Variants in DLX3 observed in about 807,000 individuals in gnomAD.
DLX3 encodes the protein homeobox protein DLX-3.
DLX3 carries 9 observed loss-of-function variants against 28.0 expected under a neutral mutation model. That is an observed-to-expected ratio of 0.32 (90% CI 0.19 to 0.56). The LOEUF is 0.56. Ranked by LOEUF, DLX3 falls within the 20% of genes least tolerant of loss-of-function variation. The pLI, the probability that DLX3 is intolerant of heterozygous loss-of-function variation, is 0.91. For missense variants in DLX3, 313 were observed against 378.2 expected, an observed-to-expected ratio of 0.83 and a Z score of 1.43; for synonymous variants, 154 against 167.9, an observed-to-expected ratio of 0.92 and a Z score of 0.64.
Position 49,994,765 on chromosome 17 carries a change from G to T in DLX3, c.234C>A (p.Gly78=), listed in dbSNP as rs1412798507. The change falls in exon 1 of 3, where the codon GGC becomes GGA. Residue 78 remains glycine, a synonymous_variant. Transcript: ENST00000434704. ...QFNLNGLAGT[G]AYSPKSEYTY... ...TATATTCCGACTTGGGCGAGTAAGC[G>T]CCCGTGCCTGCAAGCCCATTGAGAT... is the stretch of plus-strand genomic sequence containing the variant. 3 of 1,614,102 alleles carry T rather than the reference G, an allele frequency of 1.9e-6. No individual in the cohort carries two copies. Among genetic ancestry groups the T allele is most frequent in the South Asian group, 1.1e-5 (1 of 91,096 alleles).
Position 49,994,812 on chromosome 17 carries a change from A to G in DLX3, c.187T>C (p.Tyr63His), listed in dbSNP as rs1319264267. Residue 63 changes from tyrosine to histidine, a missense_variant, in exon 1 of 3, where the codon TAC becomes CAC. Physicochemically the swap from Tyr to His is moderately conservative, Grantham distance 83. Transcript: ENST00000434704. Reference sequence around the variant, plus strand: ...AGATTGAATTGGTGGTGGTAGGTGTAGGGGTTCACCGTCTGGCCATAGGGC... The same window carrying G: ...AGATTGAATTGGTGGTGGTAGGTGTGGGGGTTCACCGTCTGGCCATAGGGC... ...GQPYGQTVNP[Y>H]TYHHQFNLNG... is the part of the protein sequence containing the mutation. The G allele has an allele frequency of 6.2e-7, 1 of 1,614,106 alleles. No homozygotes were observed. The highest frequency in any genetic ancestry group is 8.5e-7 in the Non-Finnish European group (1 of 1,180,040).
rs1430373254 is a variant in DLX3 at position 49,991,124 on chromosome 17, G to T, written c.*393C>A. ...CACGGTGCCAGGTGCCCCAGCACAG[G>T]CAGGACCCGCAAACCCTCCACACTC... On this transcript the variant is annotated 3_prime_UTR_variant, in exon 3 of 3. Transcript: ENST00000434704. 1 of 190,516 alleles carries T rather than the reference G, an allele frequency of 5.2e-6. No individual in the cohort carries two copies. The highest frequency in any genetic ancestry group is 5.3e-5 in the Admixed American group (1 of 19,034). 11.8% of individuals were successfully genotyped at this position (190,516 alleles called of 1,614,324 possible).
In DLX3 at chr17:49,991,142, C is replaced by T; in HGVS notation, c.*375G>A. ...AGCACAGGCAGGACCCGCAAACCCT[C>T]CACACTCTCCCCCATCCCAAGGTCT... On this transcript the variant is annotated 3_prime_UTR_variant, in exon 3 of 3. Coordinates refer to ENST00000434704, the MANE Select transcript of DLX3 (RefSeq NM_005220.3). 1 of 214,112 alleles carries T rather than the reference C, an allele frequency of 4.7e-6. No individual in the cohort carries two copies. The highest frequency in any genetic ancestry group is 9.4e-6 in the Non-Finnish European group (1 of 106,630). 13.3% of individuals were successfully genotyped at this position (214,112 alleles called of 1,614,324 possible).
Position 49,994,980 on chromosome 17 carries a change from G to C in DLX3, c.19C>G (p.Arg7Gly), listed in dbSNP as rs759271131. The change falls in exon 1 of 3, where the codon CGC becomes GGC. Residue 7 changes from arginine (R) to glycine (G), a missense_variant. This residue lies in a region of DLX3 where 183 missense variants were observed against 197.7 expected (regional missense o/e 0.93). Transcript: ENST00000434704. MSGSFD[R>G]KLSSILTDIS... ...TCGGTGAGGATGCTGCTGAGCTTGC[G>C]ATCGAAGGAGCCACTCATCCTGGCG... 1.2e-6 allele frequency: 2 copies of C among 1,612,136 alleles called. No homozygotes were observed. Among genetic ancestry groups the C allele is most frequent in the South Asian group, 1.1e-5 (1 of 91,018 alleles).
chr17:49,993,072 A>G (rs1906148092), intron 2 of DLX3, among the ~76,000 whole-genome samples: 2 of 152,134 alleles, frequency 1.3e-5, no homozygotes, highest in African/African-American at 4.8e-5. Context: ...TCGCCTATAC[A>G]TGCACACAGA....
rs975193373 is a variant in DLX3, at chr17:49,994,569, C to G, written c.325+105G>C. 1.9e-5 allele frequency: 26 copies of G among 1,349,320 alleles called. No individual in the cohort carries two copies. The African/African-American group carries it at 3.0e-4, about 16-fold the overall frequency. 83.6% of individuals were successfully genotyped at this position (1,349,320 alleles called of 1,614,324 possible). The stretch of plus-strand genomic sequence containing the variant: ...CCAACTTCTCTAACTCCAGACAGTA[C>G]TTTTCTTAGAAGTTTTCCTAGATTT... On this transcript the variant is annotated intron_variant, in intron 1 of 2. Transcript: ENST00000434704.
At chr17:49,993,376 G>A in intron 2 of DLX3, 24 bp downstream of exon 2, 1 of 1,580,082 alleles carries the variant, frequency 6.3e-7, no homozygotes, top group Non-Finnish European at 8.5e-7. Context: ...GCGCCCCCGC[G>A]GCCCTGGACA....
Position 49,990,031 on chromosome 17 carries a change from A to G in DLX3, c.*1486T>C, listed in dbSNP as rs542196522. On this transcript the variant is annotated 3_prime_UTR_variant, in exon 3 of 3. Transcript: ENST00000434704. The stretch of plus-strand genomic sequence containing the variant: ...TATTTTCGTCTTTTTTATTAACATT[A>G]TATATAAAGATGAGTCCAGTAAGAA... 6.6e-6 allele frequency: 1 copy of G among 152,640 alleles called. No homozygotes were observed. The highest frequency in any genetic ancestry group is 2.1e-4 in the South Asian group (1 of 4,818). 9.5% of individuals were successfully genotyped at this position (152,640 alleles called of 1,614,324 possible). A position where few individuals can be genotyped will look rare whatever the true frequency, so the allele number is the denominator to read the frequency against.
In DLX3 at chr17:49,994,348, G is replaced by T. The variant is rs1906205197; in HGVS notation, c.325+326C>A. 2.6e-5 allele frequency among the ~76,000 whole-genome samples: 4 copies of T among 151,846 alleles called. No individual in the cohort carries two copies. In the South Asian group the frequency reaches 8.3e-4, roughly 32 times the overall value. ...CCTACCCCCAAGCCCTCTGCGACTT[G>T]ATCGAGGATCGCCTGCTGAAATGCC... On this transcript the variant is annotated intron_variant, in intron 1 of 2. Coordinates refer to ENST00000434704, the MANE Select transcript of DLX3 (RefSeq NM_005220.3).
chr17:49,993,573 G>A lies in DLX3; in HGVS notation c.343C>T (p.Pro115Ser). 1 of 1,613,552 alleles carries A rather than the reference G, an allele frequency of 6.2e-7. No individual in the cohort carries two copies. Among genetic ancestry groups the A allele is most frequent in the Non-Finnish European group, 8.5e-7 (1 of 1,179,688 alleles). ...TTCACCATGCGCACCTCTGCTTCCG[G>A]CTCCTCCTTCACCGACACTGCGGGG... ...AQDPVSVKEEPEAEVRMVNGK... is the reference protein window; with the variant it reads ...AQDPVSVKEESEAEVRMVNGK... The change falls in exon 2 of 3, where the codon CCG (proline) becomes TCG (serine). Residue 115 changes from proline to serine, a missense_variant. Around this residue, in one of 3 missense-constraint regions of DLX3, gnomAD observed 183 missense variants for 197.7 expected, o/e 0.93. Transcript: ENST00000434704.
intron 1 of DLX3, among the ~76,000 whole-genome samples, chr17:49,994,470 T>C (rs1367325644): frequency 6.6e-6 from 1 of 152,242 alleles, no homozygotes; most frequent in African/African-American, 2.4e-5. Flanking sequence ...CGCGGCGCAC[T>C]GCGCACATCG....
chr17:49,991,389 A>G lies in DLX3; in HGVS notation c.*128T>C. On this transcript the variant is annotated 3_prime_UTR_variant, in exon 3 of 3. Coordinates refer to ENST00000434704, the MANE Select transcript of DLX3 (RefSeq NM_005220.3). Reference sequence around the variant, plus strand: ...TGGAAGCGCTTGGGTCCCTGGAGGAAGGGGCAAGGGAGGGGGAAAGGGAGT... The same window carrying G: ...TGGAAGCGCTTGGGTCCCTGGAGGAGGGGGCAAGGGAGGGGGAAAGGGAGT... The G allele has an allele frequency of 1.2e-6, 1 of 845,914 alleles. No individual in the cohort carries two copies. 52.4% of individuals were successfully genotyped at this position (845,914 alleles called of 1,614,324 possible).
rs761434274 is a variant in DLX3 at position 49,994,722 on chromosome 17, G to T, written c.277C>A (p.Arg93=). 1 of 1,614,142 alleles carries T rather than the reference G, an allele frequency of 6.2e-7. No homozygotes were observed. Among genetic ancestry groups the T allele is most frequent in the East Asian group, 2.2e-5 (1 of 44,872 alleles). The change falls in exon 1 of 3, where the codon CGG becomes AGG. Residue 93 remains arginine, a synonymous_variant. Coordinates refer to ENST00000434704, the MANE Select transcript of DLX3 (RefSeq NM_005220.3). ...KSEYTYGASY[R]QYGAYREQPL... is the part of the protein sequence containing the mutation. ...TGCTCCCGATACGCCCCGTATTGCC[G>T]GTAGGAGGCTCCGTAGGTATATTCC...
chr17:49,994,709 G>A lies in DLX3; in HGVS notation c.290C>T (p.Ala97Val), dbSNP rs771296590. 3 of 1,614,056 alleles carry A rather than the reference G, an allele frequency of 1.9e-6. No homozygotes were observed. Among genetic ancestry groups the A allele is most frequent in the Admixed American group, 3.3e-5 (2 of 60,030 alleles). ...GGCTGGCAGCGGCTGCTCCCGATAC[G>A]CCCCGTATTGCCGGTAGGAGGCTCC... ...TYGASYRQYGAYREQPLPAQD... is the reference protein window; with the variant it reads ...TYGASYRQYGVYREQPLPAQD... The change falls in exon 1 of 3, where the codon GCG becomes GTG. Residue 97 changes from alanine (A) to valine (V), a missense_variant. Physicochemically the swap from Ala to Val is moderately conservative, Grantham distance 64. Transcript: ENST00000434704.
chr17:49,994,721 C>T lies in DLX3; in HGVS notation c.278G>A (p.Arg93Gln), dbSNP rs146270612. 13 of 1,614,126 alleles carry T rather than the reference C, an allele frequency of 8.1e-6. No individual in the cohort carries two copies. Among genetic ancestry groups the T allele is most frequent in the Admixed American group, 6.7e-5 (4 of 60,030 alleles). Residue 93 changes from arginine (R) to glutamine (Q), a missense_variant, in exon 1 of 3, where the codon CGG becomes CAG. Transcript: ENST00000434704. The stretch of plus-strand genomic sequence containing the variant: ...CTGCTCCCGATACGCCCCGTATTGC[C>T]GGTAGGAGGCTCCGTAGGTATATTC... The part of the protein sequence containing the change: ...KSEYTYGASY[R>Q]QYGAYREQPL...
chr17:49,993,543 T>G lies in DLX3; in HGVS notation c.373A>C (p.Lys125Gln). 1.9e-6 allele frequency: 3 copies of G among 1,613,616 alleles called. No homozygotes were observed. Among genetic ancestry groups the G allele is most frequent in the South Asian group, 1.1e-5 (1 of 91,070 alleles). ...PEAEVRMVNG[K>Q]PKKVRKPRTI... is the part of the protein sequence containing the mutation. Reference sequence around the variant, plus strand: ...CGCGGCTTTCGGACCTTCTTGGGCTTCCCATTCACCATGCGCACCTCTGCT... The same window carrying G: ...CGCGGCTTTCGGACCTTCTTGGGCTGCCCATTCACCATGCGCACCTCTGCT... Residue 125 changes from lysine to glutamine, a missense_variant, in exon 2 of 3, where the codon AAG (lysine) becomes CAG (glutamine). Lys to Gln is a moderately conservative substitution (Grantham distance 53, BLOSUM62 1). Around this residue, in one of 3 missense-constraint regions of DLX3, gnomAD observed 183 missense variants for 197.7 expected, o/e 0.93. Transcript: ENST00000434704.
In DLX3 at chr17:49,995,049, C is replaced by T. The variant is rs369031536; in HGVS notation, c.-51G>A. 58 of 1,592,830 alleles carry T rather than the reference C, an allele frequency of 3.6e-5. No individual in the cohort carries two copies. Among genetic ancestry groups the T allele is most frequent in the Non-Finnish European group, 4.9e-5 (58 of 1,173,860 alleles). On this transcript the variant is annotated 5_prime_UTR_variant, in exon 1 of 3. Transcript: ENST00000434704. ...GGCTGGCCTCCGCAGAGGACAGGAA[C>T]GGACCGGAGTGCGAGAGAGGCGGAA...
chr17:49,991,607 A>C lies in DLX3; in HGVS notation c.774T>G (p.Ser258Arg). 6.2e-7 allele frequency: 1 copy of C among 1,613,282 alleles called. No individual in the cohort carries two copies. Among genetic ancestry groups the C allele is most frequent in the Non-Finnish European group, 8.5e-7 (1 of 1,179,958 alleles). ...TNSWYHAQNL[S>R]GPHLQQQPPQ... ...GCGGCTGCTGCTGTAAGTGGGGTCC[A>C]CTCAGGTTCTGTGCGTGATACCAGG... is the stretch of plus-strand genomic sequence containing the variant. The change falls in exon 3 of 3, where the codon AGT becomes AGG. Residue 258 changes from serine (S) to arginine (R), a missense_variant. By Grantham distance (110) the Ser-to-Arg change is moderately radical. Coordinates refer to ENST00000434704, the MANE Select transcript of DLX3 (RefSeq NM_005220.3).
Position 49,994,994 on chromosome 17 carries a change from C to G in DLX3, c.5G>C (p.Ser2Thr). ...GCTGAGCTTGCGATCGAAGGAGCCA[C>G]TCATCCTGGCGGGCGCTGCACCTCC... is the stretch of plus-strand genomic sequence containing the variant. M[S>T]GSFDRKLSSI... Residue 2 changes from serine (S) to threonine (T), a missense_variant, in exon 1 of 3, where the codon AGT becomes ACT. This residue lies in a region of DLX3 where 183 missense variants were observed against 197.7 expected (regional missense o/e 0.93). Transcript: ENST00000434704. The G allele has an allele frequency of 6.2e-7, 1 of 1,611,166 alleles. No homozygotes were observed. The highest frequency in any genetic ancestry group is 1.1e-5 in the South Asian group (1 of 91,010).
Sources: allele counts gnomAD v4.1 joint callset (sites outside exome capture counted in the v4.1 genomes callset), GRCh38; gene constraint gnomAD v4.1.1; regional missense constraint gnomAD v4.1.1; transcripts MANE v1.5; gene names NCBI Gene and HGNC (gene_info 2026-07-23, HGNC 2026-07-21).